Variants in PRIM2 observed in about 807,000 individuals in gnomAD.
The protein encoded by PRIM2 is DNA primase subunit 2.
Under a neutral mutation model 67.3 loss-of-function variants are expected in PRIM2, and 39 were observed. The observed-to-expected ratio is 0.58, with a 90% CI of 0.45 to 0.76. PRIM2 has a LOEUF of 0.76. PRIM2 is among the 30% of genes least tolerant of loss of function. The pLI is 0.00. For synonymous variants in PRIM2, 143 were observed against 198.7 expected (o/e 0.72, Z 2.36); for missense variants, 398 against 598.7 (o/e 0.66, Z 3.50).
intron 9 of PRIM2, among the ~76,000 whole-genome samples, chr6:57,533,865 A>G (rs1241137981): frequency 6.6e-6 from 1 of 152,324 alleles, no homozygotes; most frequent in East Asian, 1.9e-4. Flanking sequence ...TGGACCTTAC[A>G]TGAGGGAGAG....
intron 7 of PRIM2, among the ~76,000 whole-genome samples, chr6:57,488,058 A>G (rs1333872184): frequency 2.6e-5 from 4 of 152,218 alleles, no homozygotes; most frequent in African/African-American, 9.7e-5. Flanking sequence ...ATTAAAGGTC[A>G]TATAGCTAGT....
intron 5 of PRIM2, among the ~76,000 whole-genome samples, chr6:57,364,186 C>G (rs1186125570): frequency 1.3e-5 from 2 of 151,076 alleles, no homozygotes; most frequent in Non-Finnish European, 2.9e-5. Flanking sequence ...TTTAATCTGT[C>G]TGATAATTCT....
the PRIM2 span, among the ~76,000 whole-genome samples, chr6:57,309,443 A>G: frequency 2.0e-5 from 3 of 151,772 alleles, no homozygotes; most frequent in Non-Finnish European, 2.9e-5. Flanking sequence ...TTCCAATTTC[A>G]TCCATATCCC....
chr6:57,586,543 G>T (rs1165141065), intron 10 of PRIM2, among the ~76,000 whole-genome samples: 1 of 152,176 alleles, frequency 6.6e-6, no homozygotes, highest in East Asian at 1.9e-4. Flanking sequence ...CATGACCCTT[G>T]CAAGGATAGA....
chr6:57,246,209 A>T, the PRIM2 span, among the ~76,000 whole-genome samples: 14 of 152,212 alleles, frequency 9.2e-5, no homozygotes, highest in Admixed American at 7.2e-4. Flanking sequence ...CAGCCCATTT[A>T]CGGGGGAGAA....
chr6:57,421,742 G>C (rs1479953783), intron 7 of PRIM2, among the ~76,000 whole-genome samples: 1 of 152,110 alleles, frequency 6.6e-6, no homozygotes, highest in Non-Finnish European at 1.5e-5. Context: ...ACTATTGGTG[G>C]TTAGAGTCTC....
the PRIM2 span, among the ~76,000 whole-genome samples, chr6:57,258,047 T>C: frequency 6.6e-6 from 1 of 152,234 alleles, no homozygotes; most frequent in African/African-American, 2.4e-5. Flanking sequence ...ATGCACTGTT[T>C]TCCTTTTTCT....
intron 5 of PRIM2, among the ~76,000 whole-genome samples, chr6:57,374,725 G>C (rs1741461852): frequency 6.6e-6 from 1 of 152,022 alleles, no homozygotes; most frequent in South Asian, 2.1e-4. Flanking sequence ...TGAGTAGCTG[G>C]GATTACAGGT....
Position 57,451,247 on chromosome 6 carries a change from T to C in PRIM2, c.694-56140T>C, listed in dbSNP as rs190367252. 6.0e-4 allele frequency among the ~76,000 whole-genome samples: 92 copies of C among 152,242 alleles called. 2 individuals are homozygous for C. Among genetic ancestry groups the C allele is most frequent in the Admixed American group, 5.1e-3 (78 of 15,278 alleles). On this transcript the variant is annotated intron_variant, in intron 7 of 13. Coordinates refer to ENST00000615550, the MANE Select transcript of PRIM2 (RefSeq NM_000947.5). ...CTTCCTCCTCCTGGGTTCAAGCAAT[T>C]CTCCTGCCTCAGCCTCCTGAGTAGC...
chr6:57,570,755 A>G (rs1486049842), intron 10 of PRIM2, among the ~76,000 whole-genome samples: 4 of 152,146 alleles, frequency 2.6e-5, no homozygotes, highest in Non-Finnish European at 4.4e-5. Context: ...ATTTTGAACT[A>G]TGCATTCAAG....
the PRIM2 span, among the ~76,000 whole-genome samples, chr6:57,275,067 CCCT>C: frequency 6.6e-6 from 1 of 152,022 alleles, no homozygotes; most frequent in African/African-American, 2.4e-5. Flanking sequence ...TGCGCCCAGC[CCCT>C]CCTCCCACAT....
the PRIM2 span, among the ~76,000 whole-genome samples, chr6:57,298,418 A>G: frequency 7.9e-5 from 12 of 152,192 alleles, no homozygotes; most frequent in Non-Finnish European, 1.5e-4. Flanking sequence ...TTTAAAAAAA[A>G]CATCAATTCA....
At chr6:57,555,605 A>G (rs1167048632) in intron 10 of PRIM2, among the ~76,000 whole-genome samples, 44 of 152,292 alleles carry the variant, frequency 2.9e-4, no homozygotes, top group African/African-American at 1.0e-3. Flanking sequence ...TTCTTATTTA[A>G]GCTTTAGAAA....
At chr6:57,581,331 A>G (rs1232550970) in intron 10 of PRIM2, among the ~76,000 whole-genome samples, 18 of 152,162 alleles carry the variant, frequency 1.2e-4, no homozygotes, top group Non-Finnish European at 1.5e-5. Context: ...GGTAGAGACT[A>G]AATTGACCAC....
chr6:57,392,951 C>T (rs1770403643), intron 7 of PRIM2, among the ~76,000 whole-genome samples: 1 of 149,274 alleles, frequency 6.7e-6, no homozygotes, highest in African/African-American at 2.6e-5. Context: ...ATTCAGGTCA[C>T]TGCAAATGCT....
the PRIM2 span, among the ~76,000 whole-genome samples, chr6:57,265,100 T>C: frequency 2.0e-3 from 310 of 152,302 alleles, no homozygotes; most frequent in Non-Finnish European, 5.4e-4. Context: ...CTATAAAATG[T>C]TTATATATGT....
rs1304045207 is a variant in PRIM2 at position 57,578,131 on chromosome 6, G to A, written c.1021-22962G>A. Among the ~76,000 whole-genome samples the A allele has an allele frequency of 3.7e-3, 556 of 152,278 alleles. 2 individuals carry two copies. The highest frequency in any genetic ancestry group is 0.014 in the Middle Eastern group (4 of 294). On this transcript the variant is annotated intron_variant, in intron 10 of 13. Coordinates refer to ENST00000615550, the MANE Select transcript of PRIM2 (RefSeq NM_000947.5). ...GATTGAGGTCATGCATTTTTGGCAGGACAGGCGTGATGTTCGCTTCTCATC... is the reference window on the plus strand; with the variant it reads ...GATTGAGGTCATGCATTTTTGGCAGAACAGGCGTGATGTTCGCTTCTCATC...
chr6:57,383,344 T>C (rs1049326657), intron 7 of PRIM2: 2 of 152,080 alleles, frequency 1.3e-5, no homozygotes, highest in Admixed American at 1.3e-4. Context: ...TTTTCCAGCA[T>C]ATTGGATAGT....
rs1425660193 is a variant in PRIM2 at position 57,635,826 on chromosome 6, A to G, written c.1299+3625A>G. Among the ~76,000 whole-genome samples, 594 of 152,350 alleles carry G rather than the reference A, an allele frequency of 3.9e-3. 3 individuals carry two copies. Among genetic ancestry groups the G allele is most frequent in the African/African-American group, 0.013 (559 of 41,574 alleles). ...CTAACTCGTTTCCCAGCATCTACAC[A>G]TGCCCCATTCCAATTCTTTCTCCTC... On this transcript the variant is annotated intron_variant, in intron 13 of 13. Coordinates refer to ENST00000615550, the MANE Select transcript of PRIM2 (RefSeq NM_000947.5).
Sources: allele counts gnomAD v4.1 joint callset (sites outside exome capture counted in the v4.1 genomes callset), GRCh38; gene constraint gnomAD v4.1.1; transcripts MANE v1.5; gene names NCBI Gene and HGNC (gene_info 2026-07-23, HGNC 2026-07-21).